The following BORCS5 variants were observed in gnomAD, a reference collection of about 807,000 sequenced individuals.
The protein encoded by BORCS5 is BLOC-1-related complex subunit 5.
A neutral mutation model predicts 22.1 loss-of-function variants in BORCS5; 17 were observed. The ratio of observed to expected loss-of-function variants is 0.77; its 90% CI spans 0.53 to 1.15. BORCS5 has a LOEUF of 1.15. Ranked by LOEUF, BORCS5 falls within the 50% of genes most tolerant of loss-of-function variation. BORCS5 has a pLI of 0.00. For synonymous variants in BORCS5, 117 were observed against 99.8 expected, an observed-to-expected ratio of 1.17 and a Z score of -1.03; for missense variants, 247 against 253.2, an observed-to-expected ratio of 0.98 and a Z score of 0.17.
intron 2 of BORCS5, among the ~76,000 whole-genome samples, chr12:12,414,714 G>A (rs1435369324): frequency 1.5e-5 from 2 of 133,796 alleles, no homozygotes; most frequent in African/African-American, 2.9e-5. Context: ...CCTCCCGGAT[G>A]GGGTGGCTGC....
intron 3 of BORCS5, among the ~76,000 whole-genome samples, chr12:12,439,724 C>CA (rs1207937300): frequency 2.0e-5 from 3 of 152,222 alleles, no homozygotes; most frequent in African/African-American, 7.2e-5. Context: ...GACCAGCACT[C>CA]ACAGTACTGA....
intron 3 of BORCS5, among the ~76,000 whole-genome samples, chr12:12,459,987 G>A (rs1412829554): frequency 2.0e-5 from 3 of 152,122 alleles, no homozygotes; most frequent in African/African-American, 7.2e-5. Flanking sequence ...TTCAAACTTT[G>A]TTCTTTCAAT....
chr12:12,392,330 A>G (rs1305034455), intron 2 of BORCS5, among the ~76,000 whole-genome samples: 1 of 152,050 alleles, frequency 6.6e-6, no homozygotes, highest in Non-Finnish European at 1.5e-5. Flanking sequence ...TCTCTGAATT[A>G]TCTCCAAAGT....
intron 2 of BORCS5, among the ~76,000 whole-genome samples, chr12:12,419,280 TGAGAACATG>T (rs1453999631): frequency 6.6e-6 from 1 of 152,108 alleles, no homozygotes; most frequent in Non-Finnish European, 1.5e-5. Flanking sequence ...TACCTATGAG[TGAGAACATG>T]CAGTGTTTGG....
At chr12:12,386,797 C>T (rs1863893944) in intron 2 of BORCS5, among the ~76,000 whole-genome samples, 1 of 151,170 alleles carries the variant, frequency 6.6e-6, no homozygotes, top group Non-Finnish European at 1.5e-5. Flanking sequence ...TTCCTTCCTC[C>T]CTGCCCACCC....
rs147859254 is a variant in BORCS5 at position 12,426,997 on chromosome 12, G to A, written c.203-8631G>A. On this transcript the variant is annotated intron_variant, in intron 2 of 3. Transcript: ENST00000314565. The stretch of plus-strand genomic sequence containing the variant: ...TTTAACCAGAGCAATGATGACTGCC[G>A]TTGCCCCCTCGAGGTTAGCACTCCT... 1.7e-4 allele frequency among the ~76,000 whole-genome samples: 26 copies of A among 152,136 alleles called. 1 individual carries two copies. The East Asian group carries it at 2.5e-3, about 15-fold the overall frequency.
intron 2 of BORCS5, among the ~76,000 whole-genome samples, chr12:12,433,306 G>C (rs1241221382): frequency 7.9e-6 from 1 of 127,230 alleles, no homozygotes; most frequent in Non-Finnish European, 1.6e-5. Context: ...CTGGAAGACA[G>C]AGCGAGACTG....
chr12:12,379,022 T>G (rs558222683), intron 2 of BORCS5, among the ~76,000 whole-genome samples: 1 of 151,482 alleles, frequency 6.6e-6, no homozygotes, highest in Non-Finnish European at 1.5e-5. Flanking sequence ...CACAAAGTGC[T>G]TGGGATAATA....
At chr12:12,365,862 C>T (rs867933892) in intron 2 of BORCS5, among the ~76,000 whole-genome samples, 8 of 152,106 alleles carry the variant, frequency 5.3e-5, no homozygotes, top group African/African-American at 1.9e-4. Flanking sequence ...TTTAAGATTG[C>T]ATCAGGACAT....
intron 2 of BORCS5, among the ~76,000 whole-genome samples, chr12:12,411,687 GTGTCA>G (rs1212911227): frequency 6.6e-6 from 1 of 152,090 alleles, no homozygotes; most frequent in Non-Finnish European, 1.5e-5. Context: ...GCCCAATTCA[GTGTCA>G]TGAAACTTTT....
chr12:12,436,595 C>T (rs1942559870), intron 3 of BORCS5, among the ~76,000 whole-genome samples: 1 of 152,164 alleles, frequency 6.6e-6, no homozygotes, highest in Non-Finnish European at 1.5e-5. Flanking sequence ...CTGTGAATGG[C>T]ACTCCCAGAT....
At chr12:12,464,760 C>T (rs945893785) in intron 3 of BORCS5, among the ~76,000 whole-genome samples, 7 of 152,026 alleles carry the variant, frequency 4.6e-5, no homozygotes, top group African/African-American at 2.4e-5. Flanking sequence ...GCCCAGAGCC[C>T]GCAGTTTCTT....
chr12:12,422,231 C>T (rs1208774856), intron 2 of BORCS5, among the ~76,000 whole-genome samples: 4 of 151,958 alleles, frequency 2.6e-5, no homozygotes, highest in Non-Finnish European at 4.4e-5. Flanking sequence ...TATTTAAGAT[C>T]CTAACGTGGT....
intron 3 of BORCS5, among the ~76,000 whole-genome samples, chr12:12,458,840 C>T (rs181315699): frequency 7.9e-5 from 12 of 151,470 alleles, no homozygotes; most frequent in Admixed American, 7.9e-4. Flanking sequence ...GGCATGGTAG[C>T]ACACGCCTGT....
intron 3 of BORCS5, among the ~76,000 whole-genome samples, chr12:12,462,415 C>G (rs910875963): frequency 3.3e-5 from 5 of 152,218 alleles, no homozygotes; most frequent in African/African-American, 1.2e-4. Context: ...TCCTTGCTCT[C>G]ATGGAATCAG....
intron 2 of BORCS5, among the ~76,000 whole-genome samples, chr12:12,407,916 C>T (rs1941630299): frequency 6.6e-6 from 1 of 151,926 alleles, no homozygotes; most frequent in Admixed American, 6.6e-5. Flanking sequence ...CACCATGTTG[C>T]CCAGGCTGGT....
chr12:12,449,621 C>G (rs1427430140), intron 3 of BORCS5, among the ~76,000 whole-genome samples: 1 of 152,144 alleles, frequency 6.6e-6, no homozygotes, highest in South Asian at 2.1e-4. Context: ...GTTCTGATAT[C>G]GCTTAATTCT....
intron 3 of BORCS5, among the ~76,000 whole-genome samples, chr12:12,461,565 C>T (rs1182716115): frequency 6.6e-6 from 1 of 152,200 alleles, no homozygotes. Flanking sequence ...TTATTCATCT[C>T]TCTCAGGCCT....
intron 2 of BORCS5, among the ~76,000 whole-genome samples, chr12:12,414,290 A>T (rs1218374547): frequency 5.6e-5 from 3 of 53,630 alleles, no homozygotes; most frequent in Non-Finnish European, 7.2e-5. Context: ...GGCCAGGCAG[A>T]GGCGCCCCTC....
Sources: allele counts gnomAD v4.1 joint callset (sites outside exome capture counted in the v4.1 genomes callset), GRCh38; gene constraint gnomAD v4.1.1; transcripts MANE v1.5; gene names NCBI Gene and HGNC (gene_info 2026-07-23, HGNC 2026-07-21).